The following CDK5RAP1 variants were observed in gnomAD, a reference collection of about 807,000 sequenced individuals.
CDK5RAP1 encodes the protein CDK5RAP1 mitochondrial tRNA methylthiotransferase, also known as mitochondrial tRNA methylthiotransferase CDK5RAP1.
In CDK5RAP1, 62 loss-of-function variants were observed where a neutral mutation model predicts 64.5. That is an observed-to-expected ratio of 0.96 (90% confidence interval 0.78 to 1.19). CDK5RAP1 has a LOEUF of 1.19. Among genes scored for constraint, CDK5RAP1 ranks in the 50% most tolerant of loss-of-function variants. The pLI, the probability that CDK5RAP1 is intolerant of heterozygous loss-of-function variation, is 0.00. For synonymous variants in CDK5RAP1, 250 were observed against 261.9 expected (o/e 0.95, Z 0.44); for missense variants, 657 against 735.0 (o/e 0.89, Z 1.23).
At chr20:33,377,333 T>A (rs1207757357) in intron 8 of CDK5RAP1, among the ~76,000 whole-genome samples, 1 of 152,236 alleles carries the variant, frequency 6.6e-6, no homozygotes, top group South Asian at 2.1e-4. Flanking sequence ...TAGAACCACC[T>A]TCAGCATTGA....
At chr20:33,398,579 A>G (rs1447353941) in intron 1 of CDK5RAP1, among the ~76,000 whole-genome samples, 1 of 152,180 alleles carries the variant, frequency 6.6e-6, no homozygotes, top group Non-Finnish European at 1.5e-5. Flanking sequence ...ATAAAGGACT[A>G]GTTAAGTAAG....
chr20:33,366,244 G>C (rs924665019), intron 12 of CDK5RAP1, among the ~76,000 whole-genome samples: 1 of 150,252 alleles, frequency 6.7e-6, no homozygotes, highest in African/African-American at 2.5e-5. Context: ...GCTTGAGCCT[G>C]GGAGACAGAG....
chr20:33,366,739 G>T, intron 12 of CDK5RAP1, 120 bp downstream of exon 12: 1 of 874,278 alleles, frequency 1.1e-6, no homozygotes, highest in South Asian at 2.2e-5. Context: ...GGCTGAGGCA[G>T]GAGAATCACT....
intron 3 of CDK5RAP1, 41 bp from the exon 4 acceptor site, chr20:33,394,107 T>C (rs1332096095): frequency 2.2e-6 from 3 of 1,364,474 alleles, no homozygotes; most frequent in South Asian, 2.3e-5. Flanking sequence ...TTACATAATA[T>C]CTTGGATATT....
chr20:33,396,092 G>A (rs1219694606), intron 2 of CDK5RAP1, among the ~76,000 whole-genome samples: 2 of 152,130 alleles, frequency 1.3e-5, no homozygotes, highest in Non-Finnish European at 2.9e-5. Flanking sequence ...AAATCCACAT[G>A]TTACACTCCT....
rs1026993408 is a variant in CDK5RAP1 at position 33,372,661 on chromosome 20, A to G, written c.1242T>C (p.His414=). Residue 414 remains histidine (H), a synonymous_variant, in exon 10 of 14, where the codon CAT becomes CAC. Transcript: ENST00000346416. ...ATGTACCTGGAATAGATTCTCTAAT[A>G]TGGTGAACTAACTCCACATAAGCTT... The part of the protein sequence containing the change: ...SREAYVELVH[H]IRESIPGVSL... 2 of 1,567,222 alleles carry G rather than the reference A, an allele frequency of 1.3e-6. No individual in the cohort carries two copies. Among genetic ancestry groups the G allele is most frequent in the Non-Finnish European group, 1.7e-6 (2 of 1,160,206 alleles).
intron 3 of CDK5RAP1, 129 bp downstream of exon 3, chr20:33,394,884 G>A: frequency 1.5e-6 from 1 of 676,798 alleles, no homozygotes; most frequent in Non-Finnish European, 2.7e-6. Flanking sequence ...GTCCCATGGT[G>A]AACACTTCAC....
intron 13 of CDK5RAP1, chr20:33,359,383 C>A (rs1019449935): frequency 2.4e-6 from 1 of 416,520 alleles, no homozygotes. Flanking sequence ...TCCTCCTCAG[C>A]TCTAACCATA....
intron 5 of CDK5RAP1, among the ~76,000 whole-genome samples, chr20:33,391,249 TAAAAAAAAAAA>T (rs60730257): frequency 1.5e-4 from 16 of 107,366 alleles, no homozygotes; most frequent in East Asian, 2.6e-4. Flanking sequence ...ACTCTGTTTT[TAAAAAAAAAAA>T]AAAAAAAAAA....
chr20:33,382,396 C>A lies in CDK5RAP1; in HGVS notation c.877-2705G>T, dbSNP rs149930819. On this transcript the variant is annotated intron_variant, in intron 7 of 13. Transcript: ENST00000346416. ...AAGAACTAATGGTATTAAAAATATT[C>A]TTGGCCAGACACGGTGGCTCATGCC... 9.7e-3 allele frequency among the ~76,000 whole-genome samples: 1,483 copies of A among 152,236 alleles called. 15 individuals carry two copies. Among genetic ancestry groups the A allele is most frequent in the African/African-American group, 0.033 (1,367 of 41,558 alleles).
intron 4 of CDK5RAP1, among the ~76,000 whole-genome samples, chr20:33,393,121 G>T (rs1036012084): frequency 8.6e-5 from 13 of 151,978 alleles, no homozygotes; most frequent in Non-Finnish European, 1.6e-4. Flanking sequence ...CTCATGATAT[G>T]CCCACTCTGG....
intron 6 of CDK5RAP1, 38 bp downstream of exon 6, chr20:33,387,271 AAGTGTGAAAGGAGG>A: frequency 1.4e-6 from 2 of 1,392,068 alleles, no homozygotes; most frequent in Non-Finnish European, 2.0e-6. Flanking sequence ...AAAAAAAAAA[AAGTGTGAAAGGAGG>A]AAGAGGCTTA....
intron 7 of CDK5RAP1, among the ~76,000 whole-genome samples, chr20:33,380,730 G>A (rs1363497662): frequency 6.6e-6 from 1 of 152,170 alleles, no homozygotes; most frequent in Non-Finnish European, 1.5e-5. Flanking sequence ...TAGGCCAGGT[G>A]CAGTGGCTCC....
At chr20:33,377,054 G>A (rs906565726) in intron 8 of CDK5RAP1, among the ~76,000 whole-genome samples, 11 of 152,284 alleles carry the variant, frequency 7.2e-5, no homozygotes, top group Admixed American at 5.2e-4. Context: ...AAGAGAGTCT[G>A]GCTGGGCACA....
intron 13 of CDK5RAP1, chr20:33,359,976 T>C (rs1185523263): frequency 2.2e-5 from 4 of 181,402 alleles, no homozygotes; most frequent in Admixed American, 1.1e-4. Context: ...CTCGAGCACA[T>C]GTAAGTTAAA....
intron 8 of CDK5RAP1, among the ~76,000 whole-genome samples, chr20:33,375,568 G>C (rs533466971): frequency 6.6e-6 from 1 of 152,038 alleles, no homozygotes; most frequent in African/African-American, 2.4e-5. Context: ...GAAAAAAGAT[G>C]AAAGTCGGGG....
At chr20:33,387,193 C>T in intron 6 of CDK5RAP1, 130 bp downstream of exon 6, 1 of 674,878 alleles carries the variant, frequency 1.5e-6, no homozygotes, top group Non-Finnish European at 2.5e-6. Context: ...GAGGTCAAGG[C>T]TGCAGTGAGC....
intron 5 of CDK5RAP1, among the ~76,000 whole-genome samples, chr20:33,389,477 C>T (rs1159604022): frequency 3.3e-5 from 5 of 152,144 alleles, no homozygotes; most frequent in African/African-American, 9.6e-5. Flanking sequence ...GCAGCCGCCC[C>T]GTCCGGGAGG....
At chr20:33,393,301 A>G (rs767900523) in intron 4 of CDK5RAP1, among the ~76,000 whole-genome samples, 19 of 152,088 alleles carry the variant, frequency 1.2e-4, no homozygotes, top group Admixed American at 3.3e-4. Flanking sequence ...TCGGACTCCA[A>G]GAGTGCTGGG....
Sources: allele counts gnomAD v4.1 joint callset (sites outside exome capture counted in the v4.1 genomes callset), GRCh38; gene constraint gnomAD v4.1.1; transcripts MANE v1.5; gene names NCBI Gene and HGNC (gene_info 2026-07-23, HGNC 2026-07-21).